TMF1: variants seen among roughly 807,000 people sequenced by gnomAD.
TMF1 encodes TATA element modulatory factor 1.
Under a neutral mutation model 126.5 loss-of-function variants are expected in TMF1, and 71 were observed. The ratio of observed to expected loss-of-function variants is 0.56; its 90% CI spans 0.46 to 0.68. The LOEUF is 0.68. Ranked by LOEUF, TMF1 falls within the 30% of genes least tolerant of loss-of-function variation. The probability of loss-of-function intolerance (pLI) is 0.00; values close to 1 mark genes in which losing one functional copy is unlikely to be tolerated. For synonymous variants in TMF1, 461 were observed against 430.5 expected (o/e 1.07, Z -0.88); for missense variants, 1,259 against 1,253.2 (o/e 1.00, Z -0.07).
In TMF1 at chr3:69,048,276, T is replaced by C; in HGVS notation, c.429A>G (p.Arg143=). 1 of 1,614,232 alleles carries C rather than the reference T, an allele frequency of 6.2e-7. No individual in the cohort carries two copies. The highest frequency in any genetic ancestry group is 1.1e-5 in the South Asian group (1 of 91,088). Residue 143 remains arginine, a synonymous_variant, in exon 2 of 17, where the codon AGA becomes AGG. Transcript: ENST00000398559. ...CTTGTGATTCAGTTGTTTCAGGAGT[T>C]CTTGACTGGCCAATGTGCAAGGATT... ...LHESLHIGQS[R]TPETTESQVK... is the part of the protein sequence containing the mutation.
In TMF1 at chr3:69,042,381, T is replaced by C. The variant is rs775021218; in HGVS notation, c.1684+426A>G. ...TCTTTTCAGAGACAAAAGTGCTTAA[T>C]AATTTAAAAATTAATACAATGAAAA... On this transcript the variant is annotated intron_variant, in intron 5 of 16. Coordinates refer to ENST00000398559, the MANE Select transcript of TMF1 (RefSeq NM_007114.3). The C allele has an allele frequency of 8.8e-5, 40 of 456,056 alleles. 2 individuals carry two copies. The highest frequency in any genetic ancestry group is 6.0e-4 in the South Asian group (39 of 64,468). The allele number at this position is 456,056 out of a possible 1,614,324, so 28.3% of individuals were successfully genotyped here. A position where few individuals can be genotyped will look rare whatever the true frequency, so the allele number is the denominator to read the frequency against.
In TMF1 at chr3:69,027,881, CA is replaced by C. The variant is rs2091778652; in HGVS notation, c.2757+18del. 1.4e-6 allele frequency: 2 copies of C among 1,408,376 alleles called. No individual in the cohort carries two copies. Among genetic ancestry groups the C allele is most frequent in the East Asian group, 4.6e-5 (2 of 43,738 alleles). 87.2% of individuals were successfully genotyped at this position (1,408,376 alleles called of 1,614,324 possible). A position where few individuals can be genotyped will look rare whatever the true frequency, so the allele number is the denominator to read the frequency against. On this transcript the variant is annotated intron_variant, in intron 13 of 16. Coordinates refer to ENST00000398559, the MANE Select transcript of TMF1 (RefSeq NM_007114.3). The stretch of plus-strand genomic sequence containing the variant: ...ACTAAATGGTTACACCACAAACAAA[CA>C]AAAACAAAATTCAATACCTTTTCTT...
intron 15 of TMF1, 92 bp from the exon 16 acceptor site, chr3:69,024,272 T>C: frequency 8.7e-7 from 1 of 1,143,528 alleles, no homozygotes; most frequent in Non-Finnish European, 1.2e-6. Flanking sequence ...TGTGTGGTTT[T>C]TTTTTTTTTT....
At chr3:69,036,436 T>C (rs989679608) in intron 8 of TMF1, among the ~76,000 whole-genome samples, 12 of 152,258 alleles carry the variant, frequency 7.9e-5, no homozygotes, top group Admixed American at 1.3e-4. Context: ...ACAGTGTGAA[T>C]AATAAACTGT....
At chr3:69,038,480 T>G in intron 8 of TMF1, 84 bp downstream of exon 8, 2 of 1,437,642 alleles carry the variant, frequency 1.4e-6, no homozygotes, top group Non-Finnish European at 1.9e-6. Flanking sequence ...CTACATTGTT[T>G]GATTCAAACC....
At chr3:69,051,723 G>A (rs551531251) in intron 1 of TMF1, among the ~76,000 whole-genome samples, 7 of 152,186 alleles carry the variant, frequency 4.6e-5, no homozygotes, top group Middle Eastern at 3.4e-3. Flanking sequence ...TCGCACCCAG[G>A]ACCAAAGAAA....
At chr3:69,042,486 T>A in intron 5 of TMF1, 1 of 496,744 alleles carries the variant, frequency 2.0e-6, no homozygotes, top group East Asian at 5.7e-5. Flanking sequence ...AATCCCAGAG[T>A]TACACACTTT....
intron 2 of TMF1, among the ~76,000 whole-genome samples, chr3:69,045,872 A>G (rs796098683): frequency 2.2e-4 from 33 of 152,230 alleles, no homozygotes; most frequent in African/African-American, 7.7e-4. Context: ...CCAGCCTGGC[A>G]GCATAGTGAG....
At chr3:69,039,226 C>T (rs1266251693) in intron 6 of TMF1, among the ~76,000 whole-genome samples, 1 of 152,186 alleles carries the variant, frequency 6.6e-6, no homozygotes, top group Non-Finnish European at 1.5e-5. Flanking sequence ...GCTGGGACTA[C>T]AGATGTGCAC....
In TMF1 at chr3:69,051,985, C is replaced by T; in HGVS notation, c.102G>A (p.Glu34=). The T allele has an allele frequency of 6.2e-7, 1 of 1,614,080 alleles. No individual in the cohort carries two copies. The change falls in exon 1 of 17, where the codon GAG becomes GAA. Residue 34 remains glutamate, a synonymous_variant. Coordinates refer to ENST00000398559, the MANE Select transcript of TMF1 (RefSeq NM_007114.3). Reference sequence around the variant, plus strand: ...GAATGGTCTCGGCCCAGATGCTCGGCTCCTCTTCCTGGATGTCCAGAACCC... The same window carrying T: ...GAATGGTCTCGGCCCAGATGCTCGGTTCCTCTTCCTGGATGTCCAGAACCC... ...IDRVLDIQEE[E]PSIWAETIPY...
At chr3:69,037,375 C>T (rs951310111) in intron 8 of TMF1, among the ~76,000 whole-genome samples, 2 of 151,946 alleles carry the variant, frequency 1.3e-5, no homozygotes, top group Middle Eastern at 3.2e-3. Context: ...CATGGTGGCT[C>T]ATGCCTGTAA....
At chr3:69,042,949 G>A (rs1294542542) in intron 4 of TMF1, 37 bp from the exon 5 acceptor site, 7 of 1,409,780 alleles carry the variant, frequency 5.0e-6, no homozygotes, top group African/African-American at 4.2e-5. Context: ...CGTAAAGAAT[G>A]ACTTTCACTC....
intron 8 of TMF1, among the ~76,000 whole-genome samples, chr3:69,035,937 C>A (rs1221967543): frequency 6.6e-6 from 1 of 151,950 alleles, no homozygotes; most frequent in East Asian, 1.9e-4. Flanking sequence ...GCTCTATCTC[C>A]CATTCCCCCA....
intron 10 of TMF1, among the ~76,000 whole-genome samples, chr3:69,032,798 C>T (rs1035264023): frequency 6.6e-6 from 1 of 151,686 alleles, no homozygotes; most frequent in Non-Finnish European, 1.5e-5. Flanking sequence ...TTGGTAGAGA[C>T]GGGGGTCTCA....
chr3:69,038,925 C>T lies in TMF1; in HGVS notation c.1912G>A (p.Asp638Asn), dbSNP rs781550450. The T allele has an allele frequency of 6.2e-7, 1 of 1,612,264 alleles. No homozygotes were observed. The highest frequency in any genetic ancestry group is 8.5e-7 in the Non-Finnish European group (1 of 1,179,416). Residue 638 changes from aspartate (D) to asparagine (N), a missense_variant, in exon 7 of 17, where the codon GAT becomes AAT. Asp to Asn is a conservative substitution (Grantham distance 23, BLOSUM62 1). Coordinates refer to ENST00000398559, the MANE Select transcript of TMF1 (RefSeq NM_007114.3). ...ATGTCTACCTGAAGACGGCCAAGAT[C>T]TTTCTCTTGGCGTTCTACCATGGAA... The part of the protein sequence containing the change: ...LNSMVERQEK[D>N]LGRLQVDMDE...
chr3:69,033,431 T>C, intron 10 of TMF1, 117 bp downstream of exon 10: 1 of 1,162,580 alleles, frequency 8.6e-7, no homozygotes, highest in Non-Finnish European at 1.2e-6. Flanking sequence ...AAAATCTACA[T>C]ATTAGACACA....
chr3:69,047,665 T>G lies in TMF1; in HGVS notation c.1040A>C (p.Glu347Ala). ...RSVSEINSDD[E>A]LSGKGYALVP... ...TAAAGCATATCCCTTGCCTGACAATTCATCATCTGAATTGATTTCACTTAC... is the reference window on the plus strand; with the variant it reads ...TAAAGCATATCCCTTGCCTGACAATGCATCATCTGAATTGATTTCACTTAC... The change falls in exon 2 of 17, where the codon GAA becomes GCA. Residue 347 changes from glutamate to alanine, a missense_variant. Glu to Ala is a moderately radical substitution (Grantham distance 107). Coordinates refer to ENST00000398559, the MANE Select transcript of TMF1 (RefSeq NM_007114.3). 6.2e-7 allele frequency: 1 copy of G among 1,614,162 alleles called. No individual in the cohort carries two copies. Among genetic ancestry groups the G allele is most frequent in the Non-Finnish European group, 8.5e-7 (1 of 1,180,018 alleles).
intron 16 of TMF1, among the ~76,000 whole-genome samples, 174 bp from the exon 17 acceptor site, chr3:69,023,494 A>T (rs2091750616): frequency 6.6e-6 from 1 of 152,126 alleles, no homozygotes; most frequent in South Asian, 2.1e-4. Flanking sequence ...TAGCAAAAAA[A>T]GGAATTAAAG....
intron 2 of TMF1, 23 bp from the exon 3 acceptor site, chr3:69,044,618 A>T: frequency 1.3e-6 from 2 of 1,512,574 alleles, no homozygotes; most frequent in Non-Finnish European, 1.8e-6. Context: ...AATACATAAA[A>T]GTCAGAACGC....
Sources: gnomAD v4.1 joint callset for allele counts (sites outside exome capture counted in the v4.1 genomes callset) on GRCh38, gnomAD v4.1.1 for gene constraint, MANE v1.5 for transcripts, NCBI Gene and HGNC (gene_info 2026-07-23, HGNC 2026-07-21) for gene names.